PDGFD: variants seen among roughly 807,000 people sequenced by gnomAD.
The protein encoded by PDGFD is platelet derived growth factor D.
PDGFD carries 30 observed loss-of-function variants against 44.7 expected under a neutral mutation model. The observed-to-expected ratio is 0.67, with a 90% CI of 0.50 to 0.91. The LOEUF is 0.91. PDGFD is among the 40% of genes least tolerant of loss of function. PDGFD has a pLI of 0.00. For synonymous variants in PDGFD, 173 were observed against 168.4 expected, an observed-to-expected ratio of 1.03 and a Z score of -0.21; for missense variants, 445 against 457.8, an observed-to-expected ratio of 0.97 and a Z score of 0.25.
chr11:104,054,203 A>G (rs1860587089), intron 1 of PDGFD, among the ~76,000 whole-genome samples: 1 of 152,236 alleles, frequency 6.6e-6, no homozygotes, highest in African/African-American at 2.4e-5. Flanking sequence ...AAGGAAGCGA[A>G]AAGCTCCACA....
chr11:104,127,739 G>C (rs937820052), intron 1 of PDGFD, among the ~76,000 whole-genome samples: 2 of 152,014 alleles, frequency 1.3e-5, no homozygotes, highest in Non-Finnish European at 2.9e-5. Context: ...AGGACACAAA[G>C]CTCAAAAAAT....
intron 3 of PDGFD, among the ~76,000 whole-genome samples, chr11:103,956,595 T>C (rs1591093720): frequency 6.6e-6 from 1 of 151,960 alleles, no homozygotes; most frequent in East Asian, 1.9e-4. Flanking sequence ...GATGGCTGGG[T>C]CAAATGGTAT....
chr11:104,063,874 G>T (rs1465847319), intron 1 of PDGFD, among the ~76,000 whole-genome samples: 1 of 152,138 alleles, frequency 6.6e-6, no homozygotes, highest in Non-Finnish European at 1.5e-5. Context: ...TGAGATTTGG[G>T]TGGGGACACA....
intron 1 of PDGFD, among the ~76,000 whole-genome samples, chr11:104,033,378 G>A (rs1349085369): frequency 6.6e-6 from 1 of 152,100 alleles, no homozygotes; most frequent in African/African-American, 2.4e-5. Flanking sequence ...ATGAAATGAT[G>A]ACAGCTCATT....
intron 3 of PDGFD, among the ~76,000 whole-genome samples, chr11:103,972,365 C>T (rs924331983): frequency 2.0e-5 from 3 of 152,158 alleles, no homozygotes; most frequent in Non-Finnish European, 4.4e-5. Context: ...TGCCAAACCA[C>T]CCCTGGCTGA....
rs141692350 is a variant in PDGFD at position 104,079,290 on chromosome 11, C to T, written c.125-79035G>A. 3.3e-3 allele frequency among the ~76,000 whole-genome samples: 497 copies of T among 152,302 alleles called. 6 individuals carry two copies. The highest frequency in any genetic ancestry group is 0.011 in the African/African-American group (467 of 41,572). On this transcript the variant is annotated intron_variant, in intron 1 of 6. Transcript: ENST00000393158. ...GACTTATGAAAATGCAATAAGCCTC[C>T]TCTCCACCTCCCTTTTAAAATTATC...
intron 1 of PDGFD, among the ~76,000 whole-genome samples, chr11:104,137,647 T>C (rs1019208140): frequency 2.6e-5 from 4 of 152,054 alleles, no homozygotes; most frequent in African/African-American, 9.7e-5. Context: ...ATAGTGGCAT[T>C]TGACTTGCAC....
In PDGFD at chr11:103,947,064, G is replaced by A. The variant is rs115708791; in HGVS notation, c.573+598C>T. Among the ~76,000 whole-genome samples the A allele has an allele frequency of 4.8e-3, 732 of 152,272 alleles. 5 individuals carry two copies. The highest frequency in any genetic ancestry group is 0.017 in the African/African-American group (691 of 41,546). ...CCACACATAGGATTGGTGAAAACAAGGTCTGTTCTTTCTGTGCAAAGTAGA... is the reference window on the plus strand; with the variant it reads ...CCACACATAGGATTGGTGAAAACAAAGTCTGTTCTTTCTGTGCAAAGTAGA... On this transcript the variant is annotated intron_variant, in intron 4 of 6. Coordinates refer to ENST00000393158, the MANE Select transcript of PDGFD (RefSeq NM_025208.5).
chr11:104,075,942 C>T (rs1860952069), intron 1 of PDGFD, among the ~76,000 whole-genome samples: 1 of 152,168 alleles, frequency 6.6e-6, no homozygotes. Flanking sequence ...GGCTTTGTGT[C>T]TCCACCCAAA....
chr11:103,936,647 A>G (rs1246066706), intron 5 of PDGFD, among the ~76,000 whole-genome samples: 2 of 152,138 alleles, frequency 1.3e-5, no homozygotes, highest in Non-Finnish European at 2.9e-5. Flanking sequence ...TCATGGAGAA[A>G]ATAATAGAAT....
chr11:104,123,941 G>A lies in PDGFD; in HGVS notation c.124+39863C>T, dbSNP rs376389834. ...TTCTGTAGTTAATTCACAAAGGTAT[G>A]AAACACAGAAGGAAGAGCACATTTA... On this transcript the variant is annotated intron_variant, in intron 1 of 6. Transcript: ENST00000393158. Among the ~76,000 whole-genome samples the A allele has an allele frequency of 2.6e-5, 4 of 152,092 alleles. No individual in the cohort carries two copies. In the South Asian group the frequency reaches 8.3e-4, roughly 32 times the overall value.
At chr11:104,060,743 T>C (rs1860700439) in intron 1 of PDGFD, among the ~76,000 whole-genome samples, 1 of 152,204 alleles carries the variant, frequency 6.6e-6, no homozygotes. Flanking sequence ...CTTCTGTGCG[T>C]GTATTTTTTA....
intron 1 of PDGFD, among the ~76,000 whole-genome samples, chr11:104,034,261 T>G (rs1345114307): frequency 1.3e-5 from 2 of 152,226 alleles, no homozygotes; most frequent in African/African-American, 4.8e-5. Flanking sequence ...TGAGCTCCTT[T>G]AAGAATACAG....
At chr11:104,027,342 T>C (rs538812794) in intron 1 of PDGFD, among the ~76,000 whole-genome samples, 33 of 152,352 alleles carry the variant, frequency 2.2e-4, no homozygotes, top group African/African-American at 6.3e-4. Context: ...TTATTTAGCA[T>C]TTATAAATTC....
At chr11:103,927,206 G>T in intron 5 of PDGFD, 80 bp from the exon 6 acceptor site, 1 of 1,283,106 alleles carries the variant, frequency 7.8e-7, no homozygotes, top group Non-Finnish European at 1.1e-6. Flanking sequence ...GGAATAGAGT[G>T]GGAAGATTCT....
intron 1 of PDGFD, among the ~76,000 whole-genome samples, chr11:104,063,392 G>A (rs983430611): frequency 1.3e-5 from 2 of 151,698 alleles, no homozygotes; most frequent in African/African-American, 4.8e-5. Context: ...ATTAATCTGG[G>A]TTCTGCAATA....
chr11:103,964,077 C>T (rs1030156323), intron 3 of PDGFD, among the ~76,000 whole-genome samples: 2 of 152,154 alleles, frequency 1.3e-5, no homozygotes, highest in African/African-American at 4.8e-5. Context: ...GGGTTTACTT[C>T]TTGCTCCCAT....
At chr11:103,958,844 A>T (rs1039246354) in intron 3 of PDGFD, among the ~76,000 whole-genome samples, 9 of 152,228 alleles carry the variant, frequency 5.9e-5, no homozygotes, top group Admixed American at 2.0e-4. Flanking sequence ...AATTACAAAC[A>T]GTATGAAGAT....
At chr11:104,140,635 A>C (rs1365800833) in intron 1 of PDGFD, among the ~76,000 whole-genome samples, 2 of 151,994 alleles carry the variant, frequency 1.3e-5, no homozygotes, top group Non-Finnish European at 2.9e-5. Context: ...TTCAATGTAG[A>C]TCACTCCAAT....
Sources: allele counts gnomAD v4.1 joint callset (sites outside exome capture counted in the v4.1 genomes callset), GRCh38; gene constraint gnomAD v4.1.1; transcripts MANE v1.5; gene names NCBI Gene and HGNC (gene_info 2026-07-23, HGNC 2026-07-21).